The following BNC2 variants were observed in gnomAD, a reference collection of about 807,000 sequenced individuals.
BNC2 encodes the protein zinc finger protein basonuclin-2.
Under a neutral mutation model 76.3 loss-of-function variants are expected in BNC2, and 20 were observed. That is an observed-to-expected ratio of 0.26 (90% CI 0.18 to 0.38). The LOEUF (loss-of-function observed/expected upper bound fraction) is 0.38. Ranked by LOEUF, BNC2 falls within the 10% of genes least tolerant of loss-of-function variation. The probability of loss-of-function intolerance (pLI) is 1.00; values close to 1 mark genes in which losing one functional copy is unlikely to be tolerated. For missense variants in BNC2, 1,382 were observed against 1,399.8 expected (o/e 0.99, Z 0.20); for synonymous variants, 582 against 514.8 (o/e 1.13, Z -1.77).
At chr9:16,654,712 C>T (rs1453533545) in intron 3 of BNC2, among the ~76,000 whole-genome samples, 3 of 151,920 alleles carry the variant, frequency 2.0e-5, no homozygotes, top group Non-Finnish European at 4.4e-5. Flanking sequence ...ATCCCCCATG[C>T]CCCCAAATTT....
chr9:16,594,186 G>A (rs562869974), intron 3 of BNC2, among the ~76,000 whole-genome samples: 17 of 152,108 alleles, frequency 1.1e-4, no homozygotes, highest in Non-Finnish European at 1.8e-4. Flanking sequence ...ACAAGATGAA[G>A]CTTAAATTCT....
At chr9:16,504,783 G>A (rs1395847484) in intron 5 of BNC2, among the ~76,000 whole-genome samples, 2 of 152,140 alleles carry the variant, frequency 1.3e-5, no homozygotes, top group Non-Finnish European at 2.9e-5. Flanking sequence ...GCTGTTCGAG[G>A]TTGCAGTGTG....
intron 5 of BNC2, among the ~76,000 whole-genome samples, chr9:16,479,198 G>A (rs1456926641): frequency 6.7e-6 from 1 of 148,250 alleles, no homozygotes. Context: ...GCTGCAGTGA[G>A]CCCACTGCGC....
intron 3 of BNC2, among the ~76,000 whole-genome samples, chr9:16,682,082 C>G (rs1435961340): frequency 6.6e-6 from 1 of 151,516 alleles, no homozygotes; most frequent in Non-Finnish European, 1.5e-5. Context: ...GTGGATGTAT[C>G]TGTGAAGGAA....
intron 1 of BNC2, among the ~76,000 whole-genome samples, chr9:16,834,092 G>C (rs1586920925): frequency 6.6e-6 from 1 of 151,850 alleles, no homozygotes. Flanking sequence ...ACAAACTCCA[G>C]TTGGTGGTCA....
At chr9:16,789,232 T>C (rs915295957) in intron 1 of BNC2, among the ~76,000 whole-genome samples, 1 of 151,992 alleles carries the variant, frequency 6.6e-6, no homozygotes, top group Non-Finnish European at 1.5e-5. Context: ...TGGGAGGAGT[T>C]AGTCACTCAG....
chr9:16,666,537 A>G (rs1214040900), intron 3 of BNC2, among the ~76,000 whole-genome samples: 1 of 152,220 alleles, frequency 6.6e-6, no homozygotes, highest in East Asian at 1.9e-4. Flanking sequence ...CTACAATGCA[A>G]CTGACAACAC....
At chr9:16,474,789 T>C (rs898706183) in intron 5 of BNC2, among the ~76,000 whole-genome samples, 1 of 152,172 alleles carries the variant, frequency 6.6e-6, no homozygotes, top group South Asian at 2.1e-4. Context: ...ACTGAGTTAT[T>C]TGTAGAAGGA....
In BNC2 at chr9:16,744,030, G is replaced by T. The variant is rs551758553; in HGVS notation, c.4-5545C>A. Reference sequence around the variant, plus strand: ...CACCCAGGCTGGAGTGCAGTGGCGCGATCTCTGCTCACTGCAAGCTCCGCC... The same window carrying T: ...CACCCAGGCTGGAGTGCAGTGGCGCTATCTCTGCTCACTGCAAGCTCCGCC... On this transcript the variant is annotated intron_variant, in intron 1 of 6. Coordinates refer to ENST00000380672, the MANE Select transcript of BNC2 (RefSeq NM_017637.6). Among the ~76,000 whole-genome samples the T allele has an allele frequency of 3.7e-4, 57 of 152,238 alleles. 1 individual carries two copies. The highest frequency in any genetic ancestry group is 1.2e-3 in the African/African-American group (50 of 41,540).
intron 5 of BNC2, among the ~76,000 whole-genome samples, chr9:16,462,125 C>A (rs1382036628): frequency 6.6e-6 from 1 of 152,154 alleles, no homozygotes; most frequent in Admixed American, 6.6e-5. Flanking sequence ...TCCTCAGCCA[C>A]TCTCTCAGAA....
intron 3 of BNC2, among the ~76,000 whole-genome samples, chr9:16,672,325 G>A (rs996967747): frequency 1.4e-4 from 22 of 152,036 alleles, no homozygotes; most frequent in Non-Finnish European, 1.5e-4. Flanking sequence ...GTGAAACCCC[G>A]TCTCTACTAA....
chr9:16,832,943 C>G (rs917718674), intron 1 of BNC2, among the ~76,000 whole-genome samples: 2 of 151,992 alleles, frequency 1.3e-5, no homozygotes, highest in African/African-American at 4.8e-5. Flanking sequence ...CCAGGATAGT[C>G]TCAATCTCTT....
At chr9:16,656,427 G>A (rs548220425) in intron 3 of BNC2, among the ~76,000 whole-genome samples, 2 of 152,290 alleles carry the variant, frequency 1.3e-5, no homozygotes, top group African/African-American at 4.8e-5. Flanking sequence ...CACAGTACCA[G>A]TAGGAGAAAC....
chr9:16,486,442 A>G (rs1224749212), intron 5 of BNC2, among the ~76,000 whole-genome samples: 1 of 152,210 alleles, frequency 6.6e-6, no homozygotes, highest in Non-Finnish European at 1.5e-5. Flanking sequence ...CCCTGTACTT[A>G]ATCTTCTGAC....
intron 4 of BNC2, among the ~76,000 whole-genome samples, chr9:16,563,066 T>TA (rs1819059846): frequency 6.6e-6 from 1 of 152,172 alleles, no homozygotes. Flanking sequence ...CTTTTTCTAA[T>TA]AAAAATTAAG....
intron 1 of BNC2, among the ~76,000 whole-genome samples, chr9:16,779,064 C>A (rs548346119): frequency 7.3e-6 from 1 of 137,208 alleles, no homozygotes; most frequent in Admixed American, 8.1e-5. Flanking sequence ...TGATTGCTTG[C>A]GGTCAGGAGT....
chr9:16,512,558 G>A (rs1822782388), intron 5 of BNC2, among the ~76,000 whole-genome samples: 1 of 152,202 alleles, frequency 6.6e-6, no homozygotes, highest in Non-Finnish European at 1.5e-5. Flanking sequence ...GAACTAACTT[G>A]TTGCATGATG....
At chr9:16,758,975 A>T (rs1825474282) in intron 1 of BNC2, among the ~76,000 whole-genome samples, 1 of 152,210 alleles carries the variant, frequency 6.6e-6, no homozygotes. Context: ...GTCAAAGTTC[A>T]TGTTTTTGTT....
At chr9:16,796,986 C>T (rs1817672795) in intron 1 of BNC2, among the ~76,000 whole-genome samples, 1 of 152,120 alleles carries the variant, frequency 6.6e-6, no homozygotes, top group Non-Finnish European at 1.5e-5. Context: ...CAAGAGGTAG[C>T]TTTTGTTAAG....
Sources: allele counts gnomAD v4.1 joint callset (sites outside exome capture counted in the v4.1 genomes callset), GRCh38; gene constraint gnomAD v4.1.1; transcripts MANE v1.5; gene names NCBI Gene and HGNC (gene_info 2026-07-23, HGNC 2026-07-21).